Variants in SCAF11 observed in about 807,000 individuals in gnomAD.
SCAF11 encodes the protein SR-related CTD associated factor 11, also known as protein SCAF11.
SCAF11 carries 47 observed loss-of-function variants against 140.5 expected under a neutral mutation model. The ratio of observed to expected loss-of-function variants is 0.33; its 90% confidence interval spans 0.26 to 0.43. SCAF11 has a LOEUF of 0.43. Ranked by LOEUF, SCAF11 falls within the 20% of genes least tolerant of loss-of-function variation. The probability of loss-of-function intolerance (pLI) is 1.00; values close to 1 mark genes in which losing one functional copy is unlikely to be tolerated. For missense variants in SCAF11, 1,645 were observed against 1,705.1 expected (o/e 0.96, Z 0.62); for synonymous variants, 557 against 579.4 (o/e 0.96, Z 0.55).
chr12:45,972,902 A>C (rs1426245029), intron 1 of SCAF11, among the ~76,000 whole-genome samples: 3 of 60,370 alleles, frequency 5.0e-5, no homozygotes, highest in Admixed American at 3.9e-4. Context: ...AGATATATAT[A>C]TATATAGATA....
rs1251489976 is a variant in SCAF11, at chr12:45,961,786, G to A, written c.133C>T (p.Leu45Phe). 6.2e-7 allele frequency: 1 copy of A among 1,612,764 alleles called. No homozygotes were observed. The highest frequency in any genetic ancestry group is 1.3e-5 in the African/African-American group (1 of 74,852). The change falls in exon 3 of 15, where the codon CTT becomes TTT. Residue 45 changes from leucine to phenylalanine, a missense_variant. By Grantham distance (22) the Leu-to-Phe change is conservative (BLOSUM62 0). Coordinates refer to ENST00000369367, the MANE Select transcript of SCAF11 (RefSeq NM_004719.3). ...ACTTCCTTTTCTAATAGACAATTAA[G>A]ACATATTGGGCATCTGTCAGCCTCA... The part of the protein sequence containing the change: ...YSEADRCPIC[L>F]NCLLEKEVGF...
rs989791263 is a variant in SCAF11 at position 45,919,562 on chromosome 12, T to C, written c.*2486A>G. 6.6e-6 allele frequency: 1 copy of C among 152,254 alleles called. No homozygotes were observed. The highest frequency in any genetic ancestry group is 2.4e-5 in the African/African-American group (1 of 41,460). The allele number at this position is 152,254 out of a possible 1,614,324, so 9.4% of individuals were successfully genotyped here. Reference sequence around the variant, plus strand: ...ATGTTTCTGATTAAGTTTGTGCCCATGCAAAATTAACATAAATTTCTTAAC... The same window carrying C: ...ATGTTTCTGATTAAGTTTGTGCCCACGCAAAATTAACATAAATTTCTTAAC... On this transcript the variant is annotated 3_prime_UTR_variant, in exon 15 of 15. Transcript: ENST00000369367.
chr12:45,964,343 C>G (rs964411654), intron 1 of SCAF11, among the ~76,000 whole-genome samples, 155 bp from the exon 2 acceptor site: 8 of 152,184 alleles, frequency 5.3e-5, no homozygotes, highest in African/African-American at 1.9e-4. Flanking sequence ...CTTTTATACT[C>G]CTTGCTATCA....
At position 45,924,662 on chromosome 12, in the gene SCAF11, T is replaced by C. The variant is rs534845537; in HGVS notation, c.3906+66A>G. On this transcript the variant is annotated intron_variant, in intron 12 of 14. Transcript: ENST00000369367. ...ATGCCAGGATGCCTTTTTTTGAACA[T>C]CTGTCATGAACAGCTAAATGTTTAC... 46 of 1,305,312 alleles carry C rather than the reference T, an allele frequency of 3.5e-5. No individual in the cohort carries two copies. The South Asian group carries it at 6.6e-4, about 19-fold the overall frequency. The allele number at this position is 1,305,312 out of a possible 1,614,324, so 80.9% of individuals were successfully genotyped here.
chr12:45,922,646 C>T (rs1441096004), intron 13 of SCAF11, 64 bp from the exon 14 acceptor site: 2 of 1,470,086 alleles, frequency 1.4e-6, no homozygotes, highest in Admixed American at 2.5e-5. Context: ...AAATCCCAAA[C>T]AAGAAATTGA....
In SCAF11 at chr12:45,964,121, T is replaced by C; in HGVS notation, c.47A>G (p.Tyr16Cys). 6.6e-7 allele frequency: 1 copy of C among 1,524,734 alleles called. No homozygotes were observed. The highest frequency in any genetic ancestry group is 9.0e-7 in the Non-Finnish European group (1 of 1,107,716). 94.5% of individuals were successfully genotyped at this position (1,524,734 alleles called of 1,614,324 possible). A position where few individuals can be genotyped will look rare whatever the true frequency, so the allele number is the denominator to read the frequency against. The change falls in exon 2 of 15, where the codon TAT becomes TGT. Residue 16 changes from tyrosine to cysteine, a missense_variant. Tyr to Cys is a radical substitution (Grantham distance 194, BLOSUM62 -2). Coordinates refer to ENST00000369367, the MANE Select transcript of SCAF11 (RefSeq NM_004719.3). ...TGAAAAGTTACCTTCCATGTCTTCA[T>C]ACTTCTTATCTCCCATATTTAGGGT... ...VCTLNMGDKK[Y>C]EDMEGEENGD...
chr12:45,932,793 G>T (rs1291628), intron 9 of SCAF11, among the ~76,000 whole-genome samples: 130,252 of 152,126 alleles, frequency 0.86, 56,173 homozygotes, highest in African/African-American at 0.96. Flanking sequence ...GTGATTCAGC[G>T]GACAGCACGC....
At chr12:45,924,341 T>C (rs1592161861) in intron 12 of SCAF11, among the ~76,000 whole-genome samples, 1 of 152,274 alleles carries the variant, frequency 6.6e-6, no homozygotes, top group East Asian at 1.9e-4. Flanking sequence ...AAAAGCTTCA[T>C]CACAGTACTT....
chr12:45,954,736 T>TTC (rs1555169285), intron 3 of SCAF11: 3 of 146,434 alleles, frequency 2.0e-5, no homozygotes, highest in African/African-American at 7.6e-5. Context: ...TGCCTAGCTT[T>TTC]TTTTTTTTTT....
chr12:45,928,884 AAAGT>A, intron 10 of SCAF11, 25 bp from the exon 11 acceptor site: 3 of 1,344,774 alleles, frequency 2.2e-6, no homozygotes, highest in Non-Finnish European at 2.9e-6. Context: ...AAAAAAAAAA[AAAGT>A]AAAAAATATG....
In SCAF11 at chr12:45,972,955, T is replaced by TAG. The variant is rs1946135472; in HGVS notation, c.-21-8768_-21-8767insCT. On this transcript the variant is annotated intron_variant, in intron 1 of 14. Transcript: ENST00000369367. ...ATATATATAGATATATATATAGATATATAGATATATATATAGATATATAGA... is the reference window on the plus strand; with the variant it reads ...ATATATATAGATATATATATAGATATAGATAGATATATATATAGATATATAGA... Among the ~76,000 whole-genome samples the TAG allele has an allele frequency of 3.0e-5, 4 of 135,566 alleles. No homozygotes were observed. The South Asian group carries it at 6.7e-4, about 23-fold the overall frequency. 88.9% of individuals were successfully genotyped at this position (135,566 alleles called of 152,430 possible). A position where few individuals can be genotyped will look rare whatever the true frequency, so the allele number is the denominator to read the frequency against.
At chr12:45,986,376 C>G (rs896730138) in intron 1 of SCAF11, among the ~76,000 whole-genome samples, 3 of 152,130 alleles carry the variant, frequency 2.0e-5, no homozygotes, top group Admixed American at 1.3e-4. Flanking sequence ...AATCTATTAA[C>G]TAAGGCCTGC....
intron 1 of SCAF11, among the ~76,000 whole-genome samples, chr12:45,973,061 T>C (rs1708091567): frequency 6.8e-6 from 1 of 147,648 alleles, no homozygotes; most frequent in Admixed American, 6.8e-5. Flanking sequence ...CCAACAAGTA[T>C]AAGCAAATAC....
rs568794897 is a variant in SCAF11, at chr12:45,921,099, C to T, written c.*949G>A. ...CCGGGTTCAACTGATTCTCCTGCCT[C>T]AGCCTCTCGCATAGCTGGGATTACA... On this transcript the variant is annotated 3_prime_UTR_variant, in exon 15 of 15. Coordinates refer to ENST00000369367, the MANE Select transcript of SCAF11 (RefSeq NM_004719.3). 1.8e-3 allele frequency: 279 copies of T among 152,366 alleles called. 3 individuals carry two copies. Among genetic ancestry groups the T allele is most frequent in the South Asian group, 2.5e-3 (12 of 4,834 alleles). 9.4% of individuals were successfully genotyped at this position (152,366 alleles called of 1,614,324 possible).
chr12:45,968,696 T>C (rs1257808298), intron 1 of SCAF11, among the ~76,000 whole-genome samples: 1 of 152,104 alleles, frequency 6.6e-6, no homozygotes, highest in Admixed American at 6.5e-5. Flanking sequence ...ATCCCAGCAC[T>C]TTGGGAGGCT....
Position 45,924,992 on chromosome 12 carries a change from T to C in SCAF11, c.3642A>G (p.Val1214=). Residue 1214 remains valine (V), a synonymous_variant, in exon 12 of 15, where the codon GTA becomes GTG. Coordinates refer to ENST00000369367, the MANE Select transcript of SCAF11 (RefSeq NM_004719.3). The part of the protein sequence containing the change: ...PINMMQPQMN[V]MQQQMNAQHQ... ...GTTGTGCATTCATTTGTTGCTGCATTACATTCATTTGCGGTTGCATCATAT... is the reference window on the plus strand; with the variant it reads ...GTTGTGCATTCATTTGTTGCTGCATCACATTCATTTGCGGTTGCATCATAT... The C allele has an allele frequency of 6.2e-7, 1 of 1,614,208 alleles. No homozygotes were observed. The highest frequency in any genetic ancestry group is 8.5e-7 in the Non-Finnish European group (1 of 1,180,022).
At chr12:45,939,890 G>A (rs1345264070) in intron 6 of SCAF11, among the ~76,000 whole-genome samples, 1 of 152,170 alleles carries the variant, frequency 6.6e-6, no homozygotes, top group African/African-American at 2.4e-5. Context: ...GTGTAACTGG[G>A]TAAATAAAGA....
chr12:45,945,292 T>G lies in SCAF11; in HGVS notation c.420A>C (p.Glu140Asp). The G allele has an allele frequency of 1.9e-6, 3 of 1,577,736 alleles. No homozygotes were observed. The highest frequency in any genetic ancestry group is 2.6e-6 in the Non-Finnish European group (3 of 1,161,472). The change falls in exon 6 of 15, where the codon GAA becomes GAC. Residue 140 changes from glutamate (E) to aspartate (D), a missense_variant. By Grantham distance (45) the Glu-to-Asp change is conservative (BLOSUM62 2). This residue lies in a region of SCAF11 where 1,582 missense variants were observed against 1,609.2 expected (regional missense o/e 0.98). Transcript: ENST00000369367. ...SCIRRKAIVR[E>D]DLLSAKVCDL... ...CACAAACTTTTGCACTTAATAGATC[T>G]TCTCTTACGATGGCTTTTCTTCTGT...
At chr12:45,990,267 T>C (rs551459123) in intron 1 of SCAF11, 86 bp downstream of exon 1, 1 of 1,230,076 alleles carries the variant, frequency 8.1e-7, no homozygotes. Flanking sequence ...CTAGGCCCGC[T>C]CCAGCGCTCT....
Sources: allele counts gnomAD v4.1 joint callset (sites outside exome capture counted in the v4.1 genomes callset), GRCh38; gene constraint gnomAD v4.1.1; regional missense constraint gnomAD v4.1.1; transcripts MANE v1.5; gene names NCBI Gene and HGNC (gene_info 2026-07-23, HGNC 2026-07-21).